PRKCQ: variants seen among roughly 807,000 people sequenced by gnomAD.
PRKCQ encodes protein kinase C theta.
In PRKCQ, 41 loss-of-function variants were observed where a neutral mutation model predicts 91.2. That is an observed-to-expected ratio of 0.45 (90% CI 0.35 to 0.58). PRKCQ has a LOEUF of 0.58. PRKCQ is among the 20% of genes least tolerant of loss of function. The probability of loss-of-function intolerance (pLI) is 0.00; values close to 1 mark genes in which losing one functional copy is unlikely to be tolerated. For missense variants in PRKCQ, 673 were observed against 896.5 expected (o/e 0.75, Z 3.18); for synonymous variants, 307 against 316.9 (o/e 0.97, Z 0.33).
chr10:6,397,353 C>G, the PRKCQ span, among the ~76,000 whole-genome samples: 1 of 152,192 alleles, frequency 6.6e-6, no homozygotes, highest in African/African-American at 2.4e-5. Flanking sequence ...CTTGGCCCCT[C>G]AAAGTGCTGA....
At chr10:6,428,728 TAAGG>T (rs1166278480) in intron 17 of PRKCQ, among the ~76,000 whole-genome samples, 1 of 151,926 alleles carries the variant, frequency 6.6e-6, no homozygotes, top group Non-Finnish European at 1.5e-5. Context: ...AAGGTGGGGA[TAAGG>T]GAGGGTGGTG....
chr10:6,437,646 A>G (rs1042807258), intron 16 of PRKCQ, among the ~76,000 whole-genome samples: 1 of 150,740 alleles, frequency 6.6e-6, no homozygotes, highest in African/African-American at 2.4e-5. Context: ...CTAACTTATT[A>G]TTTTTTTTAT....
At chr10:6,515,333 A>G in intron 1 of PRKCQ, 189 bp from the exon 2 acceptor site, 1 of 1,486,432 alleles carries the variant, frequency 6.7e-7, no homozygotes, top group African/African-American at 1.4e-5. Flanking sequence ...AAAACCACAC[A>G]CTGACTTGCT....
chr10:6,536,194 C>T (rs1338664070), intron 1 of PRKCQ, among the ~76,000 whole-genome samples: 1 of 152,232 alleles, frequency 6.6e-6, no homozygotes, highest in African/African-American at 2.4e-5. Flanking sequence ...TAATCCCCCA[C>T]CTGCACTGAG....
intron 8 of PRKCQ, 54 bp downstream of exon 8, chr10:6,491,629 C>G: frequency 6.2e-7 from 1 of 1,601,908 alleles, no homozygotes; most frequent in Non-Finnish European, 8.5e-7. Flanking sequence ...GAAAGCCTTG[C>G]TCCATCCCCT....
At chr10:6,412,753 A>G in the PRKCQ span, among the ~76,000 whole-genome samples, 1 of 152,198 alleles carries the variant, frequency 6.6e-6, no homozygotes, top group Non-Finnish European at 1.5e-5. Flanking sequence ...GATTGATTAG[A>G]TCAGAACCTC....
intron 15 of PRKCQ, among the ~76,000 whole-genome samples, chr10:6,443,388 A>C (rs932626636): frequency 1.3e-5 from 2 of 152,230 alleles, no homozygotes; most frequent in Non-Finnish European, 2.9e-5. Context: ...AGCTTCATTC[A>C]CAATAGCCAA....
intron 1 of PRKCQ, among the ~76,000 whole-genome samples, chr10:6,578,388 A>G (rs1197207867): frequency 1.3e-5 from 2 of 152,228 alleles, no homozygotes; most frequent in Non-Finnish European, 2.9e-5. Context: ...GTGGGTGACA[A>G]GAGTCTTGCC....
chr10:6,467,319 G>C (rs144912140), intron 12 of PRKCQ, among the ~76,000 whole-genome samples: 2 of 119,400 alleles, frequency 1.7e-5, no homozygotes, highest in African/African-American at 6.1e-5. Flanking sequence ...GAGAGAGAGA[G>C]ACAGAGAGAG....
At chr10:6,493,047 G>A (rs2130807166) in intron 7 of PRKCQ, among the ~76,000 whole-genome samples, 1 of 152,278 alleles carries the variant, frequency 6.6e-6, no homozygotes, top group South Asian at 2.1e-4. Context: ...TTTAAATATG[G>A]ACAATTAATA....
chr10:6,453,897 A>G lies in PRKCQ; in HGVS notation c.1647+2777T>C, dbSNP rs867616773. ...GAGAACACATGGACACAGGAAGGGG[A>G]ACATCACACTCTGGGGACTGTTGTG... On this transcript the variant is annotated intron_variant, in intron 15 of 17. Coordinates refer to ENST00000263125, the MANE Select transcript of PRKCQ (RefSeq NM_006257.5). 3.3e-5 allele frequency among the ~76,000 whole-genome samples: 5 copies of G among 152,000 alleles called. No individual in the cohort carries two copies. In the South Asian group the frequency reaches 1.0e-3, roughly 32 times the overall value.
At chr10:6,480,209 C>T (rs1836518917) in intron 11 of PRKCQ, among the ~76,000 whole-genome samples, 1 of 152,146 alleles carries the variant, frequency 6.6e-6, no homozygotes, top group Non-Finnish European at 1.5e-5. Context: ...GTGTGTCATA[C>T]ACTCTGCTAC....
intron 1 of PRKCQ, among the ~76,000 whole-genome samples, chr10:6,535,383 T>C (rs1839542407): frequency 6.6e-6 from 1 of 152,222 alleles, no homozygotes; most frequent in Admixed American, 6.5e-5. Flanking sequence ...ATAACTTTAC[T>C]AATAAGTTAT....
rs930668918 is a variant in PRKCQ at position 6,430,564 on chromosome 10, C to G, written c.1965+246G>C. ...TTCAACCTAAGGCGTGGACACACAG[C>G]AATCCATTCTTCATGCAGGCGCATC... is the stretch of plus-strand genomic sequence containing the variant. On this transcript the variant is annotated intron_variant, in intron 17 of 17. Transcript: ENST00000263125. The surrounding 1 kb of genome is among the most constrained non-coding windows in gnomAD (Gnocchi z 4.7). 6.6e-6 allele frequency among the ~76,000 whole-genome samples: 1 copy of G among 152,218 alleles called. No homozygotes were observed. Among genetic ancestry groups the G allele is most frequent in the African/African-American group, 2.4e-5 (1 of 41,454 alleles).
rs371194026 is a variant in PRKCQ, at chr10:6,557,451, G to A, written c.-10+22760C>T. On this transcript the variant is annotated intron_variant, in intron 1 of 17. Coordinates refer to ENST00000263125, the MANE Select transcript of PRKCQ (RefSeq NM_006257.5). Reference sequence around the variant, plus strand: ...CCTTGACACTGCACAGGACACTGTCGACTCCCTTCTTCTCTCCTGCTCTCC... The same window carrying A: ...CCTTGACACTGCACAGGACACTGTCAACTCCCTTCTTCTCTCCTGCTCTCC... Among the ~76,000 whole-genome samples, 11 of 152,094 alleles carry A rather than the reference G, an allele frequency of 7.2e-5. No individual in the cohort carries two copies. In the East Asian group the frequency reaches 1.4e-3, roughly 19 times the overall value.
intron 1 of PRKCQ, among the ~76,000 whole-genome samples, chr10:6,564,388 T>C (rs2387584): frequency 0.99 from 151,202 of 152,212 alleles, 75,105 homozygotes; most frequent in Middle Eastern, 1. Context: ...CCTATCCCTT[T>C]CCCTCCCACC....
chr10:6,557,421 T>C (rs1321972119), intron 1 of PRKCQ, among the ~76,000 whole-genome samples: 1 of 152,206 alleles, frequency 6.6e-6, no homozygotes, highest in African/African-American at 2.4e-5. Flanking sequence ...TTTCTTGGTC[T>C]TCCTCCTTGA....
chr10:6,464,347 G>A lies in PRKCQ; in HGVS notation c.1411C>T (p.Gln471Ter), dbSNP rs774410928. Residue 471 changes from glutamine (Q) to a stop codon, truncating the protein, a stop_gained, in exon 13 of 18, where the codon CAA becomes TAA. Transcript: ENST00000263125. LOFTEE classifies it high-confidence loss of function. ...LNGGDLMYHI[Q>*]SCHKFDLSRA... The stretch of plus-strand genomic sequence containing the variant: ...GAAAGGTCGAACTTGTGGCAGCTTT[G>A]GATGTGGTACATTAAGTCCCCTCCG... 1 of 1,613,860 alleles carries A rather than the reference G, an allele frequency of 6.2e-7. No homozygotes were observed. Among genetic ancestry groups the A allele is most frequent in the Non-Finnish European group, 8.5e-7 (1 of 1,179,934 alleles).
At chr10:6,572,211 A>G (rs1588437626) in intron 1 of PRKCQ, among the ~76,000 whole-genome samples, 1 of 152,310 alleles carries the variant, frequency 6.6e-6, no homozygotes, top group East Asian at 1.9e-4. Flanking sequence ...TGCCATAGGT[A>G]TGTAATTTTC....
Sources: gnomAD v4.1 joint callset for allele counts (sites outside exome capture counted in the v4.1 genomes callset) on GRCh38, gnomAD v4.1.1 for gene constraint, Gnocchi (gnomAD v3.1) non-coding constraint, MANE v1.5 for transcripts, NCBI Gene and HGNC (gene_info 2026-07-23, HGNC 2026-07-21) for gene names.